Variants in LIG1 observed in about 807,000 individuals in gnomAD.
LIG1 encodes the protein ligase I, DNA, ATP-dependent.
In LIG1, 70 loss-of-function variants were observed where a neutral mutation model predicts 115.7. That is an observed-to-expected ratio of 0.60 (90% CI 0.50 to 0.74). The LOEUF (loss-of-function observed/expected upper bound fraction) is 0.74. Among genes scored for constraint, LIG1 ranks in the 30% least tolerant of loss-of-function variants. The probability of loss-of-function intolerance (pLI) is 0.00; values close to 1 mark genes in which losing one functional copy is unlikely to be tolerated. For synonymous variants in LIG1, 487 were observed against 495.3 expected (o/e 0.98, Z 0.22); for missense variants, 1,115 against 1,225.6 (o/e 0.91, Z 1.35).
intron 19 of LIG1, among the ~76,000 whole-genome samples, chr19:48,129,511 A>G (rs1003834012): frequency 4.6e-5 from 7 of 152,036 alleles, no homozygotes; most frequent in African/African-American, 1.7e-4. Flanking sequence ...GGCCTGTTAC[A>G]CTCCCAGCCT....
At chr19:48,167,565 G>C (rs1216871729) in intron 1 of LIG1, among the ~76,000 whole-genome samples, 1 of 152,000 alleles carries the variant, frequency 6.6e-6, no homozygotes, top group Non-Finnish European at 1.5e-5. Flanking sequence ...TGTGGCTCAC[G>C]CCTGTACTCC....
rs1266481284 is a variant in LIG1, at chr19:48,127,914, C to T, written c.1928G>A (p.Arg643His). ...QPFQVLTTRKRKEVDASEIQV... is the reference protein window; with the variant it reads ...QPFQVLTTRKHKEVDASEIQV... ...CAGTGGAGCGGGTGATGCTACCTTG[C>T]GTTTGCGGGTGGTGAGCACTTGGAA... Residue 643 changes from arginine to histidine, a missense_variant, in exon 20 of 28, where the codon CGC becomes CAC. Coordinates refer to ENST00000263274, the MANE Select transcript of LIG1 (RefSeq NM_000234.3). 2.5e-6 allele frequency: 4 copies of T among 1,613,376 alleles called. No homozygotes were observed. In the South Asian group the frequency reaches 3.3e-5, roughly 13 times the overall value.
rs750801835 is a variant in LIG1, at chr19:48,117,689, C to T, written c.2532G>A (p.Val844=). 1.6e-5 allele frequency: 26 copies of T among 1,612,354 alleles called. No homozygotes were observed. Among genetic ancestry groups the T allele is most frequent in the Non-Finnish European group, 2.1e-5 (25 of 1,179,576 alleles). ...GAGAGAGGGAGAGGTCAGCGCACTT[C>T]ACCTCCCACACAGCGCTGGGGTCCA... ...HWLDPSAVWE[V]KCADLSLSPI... The change falls in exon 26 of 28, where the codon GTG becomes GTA. Residue 844 remains valine, a synonymous_variant. Transcript: ENST00000263274.
chr19:48,147,163 A>C (rs976515848), intron 9 of LIG1: 2 of 152,214 alleles, frequency 1.3e-5, no homozygotes, highest in African/African-American at 2.4e-5. Flanking sequence ...GCGTGACATC[A>C]AAGAGATTTT....
Position 48,137,484 on chromosome 19 carries a change from A to C in LIG1, c.1254+38T>G. The C allele has an allele frequency of 6.2e-7, 1 of 1,606,386 alleles. No homozygotes were observed. The highest frequency in any genetic ancestry group is 1.3e-5 in the African/African-American group (1 of 75,022). On this transcript the variant is annotated intron_variant, in intron 13 of 27. Coordinates refer to ENST00000263274, the MANE Select transcript of LIG1 (RefSeq NM_000234.3). The surrounding 1 kb of genome is among the most constrained non-coding windows in gnomAD (Gnocchi z 4.3). The stretch of plus-strand genomic sequence containing the variant: ...ACACGCGTGGCCTCAGGTCCCCAAG[A>C]TGTCTGGGGTCCGGGATGAGCGGCC...
intron 26 of LIG1, 32 bp downstream of exon 26, chr19:48,117,606 A>G (rs1168815549): frequency 6.2e-7 from 1 of 1,608,894 alleles, no homozygotes; most frequent in Admixed American, 1.7e-5. Context: ...AGAATCCCAC[A>G]CAGGGCCACG....
At chr19:48,163,315 A>C (rs939560205) in intron 2 of LIG1, among the ~76,000 whole-genome samples, 1 of 151,800 alleles carries the variant, frequency 6.6e-6, no homozygotes, top group Non-Finnish European at 1.5e-5. Context: ...TCGGCCTCCC[A>C]GTTTCAAGTG....
intron 21 of LIG1, among the ~76,000 whole-genome samples, chr19:48,124,182 G>T (rs1388457667): frequency 6.6e-6 from 1 of 152,190 alleles, no homozygotes; most frequent in African/African-American, 2.4e-5. Context: ...TTCACCACTT[G>T]CCCTCCAGGG....
At chr19:48,163,292 G>A (rs1251620714) in intron 2 of LIG1, among the ~76,000 whole-genome samples, 1 of 151,798 alleles carries the variant, frequency 6.6e-6, no homozygotes, top group African/African-American at 2.4e-5. Flanking sequence ...TGCAATCTCG[G>A]CTCACTGCAA....
chr19:48,155,715 C>G (rs1311499933), intron 5 of LIG1, among the ~76,000 whole-genome samples: 1 of 152,178 alleles, frequency 6.6e-6, no homozygotes, highest in Non-Finnish European at 1.5e-5. Context: ...TTCCAACATT[C>G]TGTTTTCATG....
In LIG1 at chr19:48,137,464, C is replaced by G. The variant is rs1018748234; in HGVS notation, c.1254+58G>C. 1.3e-5 allele frequency: 20 copies of G among 1,596,472 alleles called. No individual in the cohort carries two copies. The African/African-American group carries it at 2.3e-4, about 18-fold the overall frequency. ...TACCCAGAAGCCTTCCTGACACACG[C>G]GTGGCCTCAGGTCCCCAAGATGTCT... On this transcript the variant is annotated intron_variant, in intron 13 of 27. Transcript: ENST00000263274. This position sits in a 1 kb window ranked among gnomAD's most constrained non-coding sequence, Gnocchi z 4.3.
chr19:48,127,134 C>T (rs928442933), intron 21 of LIG1, 143 bp downstream of exon 21: 1 of 734,816 alleles, frequency 1.4e-6, no homozygotes, highest in Non-Finnish European at 2.5e-6. Context: ...CCTCAGACCA[C>T]ACTTTGAGAA....
intron 11 of LIG1, among the ~76,000 whole-genome samples, chr19:48,141,943 C>G (rs1199955422): frequency 2.0e-5 from 3 of 152,120 alleles, no homozygotes; most frequent in South Asian, 2.1e-4. Context: ...GCGGATGTAC[C>G]TGTAGATTAA....
At chr19:48,158,560 C>T (rs936524357) in intron 4 of LIG1, among the ~76,000 whole-genome samples, 8 of 152,274 alleles carry the variant, frequency 5.3e-5, no homozygotes, top group Non-Finnish European at 5.9e-5. Context: ...ACTGTCCAGT[C>T]TCCTTCATGC....
rs1201633853 is a variant in LIG1, at chr19:48,153,191, T to C, written c.466+681A>G. The stretch of plus-strand genomic sequence containing the variant: ...GCCTGAGCGACACAGTGAGACTGTC[T>C]CAAAAAAAAAAAAAAAAAAAAAGCA... On this transcript the variant is annotated intron_variant, in intron 6 of 27. Transcript: ENST00000263274. 2.6e-3 allele frequency among the ~76,000 whole-genome samples: 217 copies of C among 82,462 alleles called. 1 individual carries two copies. Among genetic ancestry groups the C allele is most frequent in the African/African-American group, 0.013 (196 of 15,264 alleles). The allele number at this position is 82,462 out of a possible 152,430, so 54.1% of individuals were successfully genotyped here. A position where few individuals can be genotyped will look rare whatever the true frequency, so the allele number is the denominator to read the frequency against.
intron 24 of LIG1, chr19:48,120,568 A>C: frequency 2.0e-6 from 2 of 984,750 alleles, no homozygotes; most frequent in Non-Finnish European, 2.4e-6. Context: ...AAAAACTTTA[A>C]CTTGAAAAAA....
At chr19:48,142,542 T>C (rs913558908) in intron 11 of LIG1, among the ~76,000 whole-genome samples, 1 of 151,412 alleles carries the variant, frequency 6.6e-6, no homozygotes, top group African/African-American at 2.4e-5. Flanking sequence ...GAAGGGACAC[T>C]ACAGAGCAGT....
intron 11 of LIG1, among the ~76,000 whole-genome samples, chr19:48,141,594 G>A (rs912122204): frequency 6.6e-6 from 1 of 152,186 alleles, no homozygotes; most frequent in Non-Finnish European, 1.5e-5. Context: ...CACCAAGGCC[G>A]TGTGCCTGAG....
At chr19:48,148,298 AC>A (rs2035250986) in intron 9 of LIG1, among the ~76,000 whole-genome samples, 1 of 152,094 alleles carries the variant, frequency 6.6e-6, no homozygotes, top group African/African-American at 2.4e-5. Flanking sequence ...ACATGGTGAA[AC>A]CCGGTCTCTA....
Sources: gnomAD v4.1 joint callset for allele counts (sites outside exome capture counted in the v4.1 genomes callset) on GRCh38, gnomAD v4.1.1 for gene constraint, Gnocchi (gnomAD v3.1) non-coding constraint, MANE v1.5 for transcripts, NCBI Gene and HGNC (gene_info 2026-07-23, HGNC 2026-07-21) for gene names.